MSH3: variants seen among roughly 807,000 people sequenced by gnomAD.
The protein encoded by MSH3 is DNA mismatch repair protein Msh3.
Under a neutral mutation model 123.3 loss-of-function variants are expected in MSH3, and 106 were observed. The ratio of observed to expected loss-of-function variants is 0.86; its 90% confidence interval spans 0.73 to 1.01. MSH3 has a LOEUF of 1.01. Among genes scored for constraint, MSH3 ranks in the 50% least tolerant of loss-of-function variants. The probability of loss-of-function intolerance (pLI) is 0.00; values close to 1 mark genes in which losing one functional copy is unlikely to be tolerated. For missense variants in MSH3, 1,459 were observed against 1,347.6 expected (o/e 1.08, Z -1.29); for synonymous variants, 515 against 481.4 (o/e 1.07, Z -0.91).
chr5:80,865,679 TAGTA>T (rs1746086867), intron 22 of MSH3, among the ~76,000 whole-genome samples: 1 of 152,170 alleles, frequency 6.6e-6, no homozygotes. Context: ...TTCTGTTCAG[TAGTA>T]ATTGTTTTAA....
Position 80,765,600 on chromosome 5 carries a change from A to C in MSH3, c.1897-2333A>C, listed in dbSNP as rs180821186. Among the ~76,000 whole-genome samples, 260 of 152,272 alleles carry C rather than the reference A, an allele frequency of 1.7e-3. 1 individual carries two copies. The highest frequency in any genetic ancestry group is 6.1e-3 in the African/African-American group (254 of 41,556). On this transcript the variant is annotated intron_variant, in intron 13 of 23. Coordinates refer to ENST00000265081, the MANE Select transcript of MSH3 (RefSeq NM_002439.5). The stretch of plus-strand genomic sequence containing the variant: ...TACTTTACCCCTAAATTGTTTTCTC[A>C]TCTCAAGACAGTTCTTTTCAGCCAA...
chr5:80,752,931 G>A (rs1479547542), intron 12 of MSH3, among the ~76,000 whole-genome samples: 1 of 152,116 alleles, frequency 6.6e-6, no homozygotes, highest in Non-Finnish European at 1.5e-5. Context: ...ACAATATCCT[G>A]TTTAGGGGTT....
chr5:80,711,165 C>G (rs1201337768), intron 8 of MSH3, among the ~76,000 whole-genome samples: 2 of 152,216 alleles, frequency 1.3e-5, no homozygotes, highest in Non-Finnish European at 2.9e-5. Flanking sequence ...TACCTCCTGT[C>G]TCTCTTAGCC....
chr5:80,715,771 A>G (rs1207289787), intron 8 of MSH3, among the ~76,000 whole-genome samples: 2 of 152,080 alleles, frequency 1.3e-5, no homozygotes, highest in African/African-American at 2.4e-5. Context: ...TACACTTTCA[A>G]ACAACCAGAT....
At chr5:80,742,982 G>A (rs1388267688) in intron 11 of MSH3, among the ~76,000 whole-genome samples, 1 of 151,988 alleles carries the variant, frequency 6.6e-6, no homozygotes, top group Non-Finnish European at 1.5e-5. Flanking sequence ...TTCCTTTATT[G>A]GACCTTGCAC....
chr5:80,805,586 C>G (rs1288714544), intron 19 of MSH3, among the ~76,000 whole-genome samples: 5 of 80,310 alleles, frequency 6.2e-5, no homozygotes, highest in Non-Finnish European at 7.0e-5. Flanking sequence ...ATGCCCCCCC[C>G]CCCTACCTTT....
At chr5:80,814,562 C>T (rs1259269546) in intron 20 of MSH3, among the ~76,000 whole-genome samples, 1 of 152,230 alleles carries the variant, frequency 6.6e-6, no homozygotes, top group Non-Finnish European at 1.5e-5. Flanking sequence ...TGAGCCACCA[C>T]ACCCAGCTGA....
At chr5:80,766,035 AT>A (rs1263487589) in intron 13 of MSH3, among the ~76,000 whole-genome samples, 1 of 152,016 alleles carries the variant, frequency 6.6e-6, no homozygotes, top group Non-Finnish European at 1.5e-5. Context: ...ATTTCCAAGA[AT>A]TTTTGTTTTC....
At chr5:80,865,725 G>A (rs991312307) in intron 22 of MSH3, among the ~76,000 whole-genome samples, 1 of 151,972 alleles carries the variant, frequency 6.6e-6, no homozygotes, top group African/African-American at 2.4e-5. Flanking sequence ...GGTGGTTTGC[G>A]CAATTGGTAT....
At chr5:80,765,718 C>T (rs540479922) in intron 13 of MSH3, among the ~76,000 whole-genome samples, 6 of 152,164 alleles carry the variant, frequency 3.9e-5, no homozygotes, top group Non-Finnish European at 8.8e-5. Context: ...TTGTATAGTA[C>T]TATCTTAGAT....
At chr5:80,807,097 C>T (rs2112044854) in intron 19 of MSH3, among the ~76,000 whole-genome samples, 1 of 146,510 alleles carries the variant, frequency 6.8e-6, no homozygotes, top group African/African-American at 2.5e-5. Flanking sequence ...GAGACTGTGG[C>T]AGGAAGATCT....
chr5:80,674,334 A>G (rs760048853), intron 6 of MSH3, among the ~76,000 whole-genome samples: 18 of 152,206 alleles, frequency 1.2e-4, no homozygotes, highest in Non-Finnish European at 1.9e-4. Context: ...ACATGCACAT[A>G]TAATGTATAT....
intron 8 of MSH3, among the ~76,000 whole-genome samples, chr5:80,719,505 T>A (rs1237364763): frequency 6.6e-6 from 1 of 152,184 alleles, no homozygotes; most frequent in Non-Finnish European, 1.5e-5. Context: ...TATCTCCTTT[T>A]CCCCACCATG....
chr5:80,720,314 G>C (rs1751052883), intron 8 of MSH3, among the ~76,000 whole-genome samples: 1 of 152,072 alleles, frequency 6.6e-6, no homozygotes. Flanking sequence ...TGATTTTTCT[G>C]TTTCTTTGCT....
chr5:80,834,216 C>T (rs1745469435), intron 20 of MSH3, among the ~76,000 whole-genome samples: 1 of 152,056 alleles, frequency 6.6e-6, no homozygotes, highest in Non-Finnish European at 1.5e-5. Context: ...TTCAAACTAC[C>T]CTCCAGGGTG....
At chr5:80,756,553 C>T (rs932554456) in intron 12 of MSH3, among the ~76,000 whole-genome samples, 1 of 152,102 alleles carries the variant, frequency 6.6e-6, no homozygotes, top group Non-Finnish European at 1.5e-5. Flanking sequence ...CAATAGCTAC[C>T]CCCAGGAAAT....
Position 80,732,714 on chromosome 5 carries a change from G to A in MSH3, c.1568+3749G>A, listed in dbSNP as rs376446539. 2.1e-4 allele frequency among the ~76,000 whole-genome samples: 32 copies of A among 152,184 alleles called. 1 individual carries two copies. The East Asian group carries it at 2.3e-3, about 11-fold the overall frequency. On this transcript the variant is annotated intron_variant, in intron 10 of 23. Transcript: ENST00000265081. ...ACTCCATGACTATTGGATTTATTTC[G>A]GGTATACTGGCTTGGTTTAAAAATC...
At chr5:80,758,302 C>T (rs1182020784) in intron 12 of MSH3, among the ~76,000 whole-genome samples, 1 of 152,158 alleles carries the variant, frequency 6.6e-6, no homozygotes, top group Non-Finnish European at 1.5e-5. Context: ...TTTGTAGTGT[C>T]TACTACACAA....
intron 18 of MSH3, among the ~76,000 whole-genome samples, chr5:80,791,295 A>C (rs1439829794): frequency 1.3e-5 from 2 of 152,208 alleles, no homozygotes; most frequent in African/African-American, 4.8e-5. Context: ...AAAGATGACC[A>C]TCTCTTTAAG....
Sources: allele counts gnomAD v4.1 joint callset (sites outside exome capture counted in the v4.1 genomes callset), GRCh38; gene constraint gnomAD v4.1.1; transcripts MANE v1.5; gene names NCBI Gene and HGNC (gene_info 2026-07-23, HGNC 2026-07-21).